UBE2L3: variants seen among roughly 807,000 people sequenced by gnomAD.
UBE2L3 encodes the protein ubiquitin conjugating enzyme E2 L3.
In UBE2L3, 1 loss-of-function variant was observed where a neutral mutation model predicts 17.8. The observed-to-expected ratio is 0.06, with a 90% CI of 0.02 to 0.27. The LOEUF is 0.27. Among genes scored for constraint, UBE2L3 ranks in the 10% least tolerant of loss-of-function variants. The pLI is 1.00. For missense variants in UBE2L3, 40 were observed against 192.6 expected (o/e 0.21, Z 4.69); for synonymous variants, 44 against 68.5 (o/e 0.64, Z 1.76).
At chr22:21,564,842 G>A (rs1280503852), upstream of UBE2L3, among the ~76,000 whole-genome samples, 1 of 152,170 alleles carries the variant, frequency 6.6e-6, no homozygotes, top group Non-Finnish European at 1.5e-5. Context: ...GGCAGGTTCT[G>A]TGCTCACAGT....
chr22:21,561,847 C>T (rs1297331956), intron 1 of UBE2L3, among the ~76,000 whole-genome samples: 1 of 152,168 alleles, frequency 6.6e-6, no homozygotes, highest in Admixed American at 6.6e-5. Context: ...AGATGAGGTC[C>T]AATTCCTGGT....
At chr22:21,571,352 C>T (rs963054631) in intron 1 of UBE2L3, among the ~76,000 whole-genome samples, 1 of 152,162 alleles carries the variant, frequency 6.6e-6, no homozygotes, top group South Asian at 2.1e-4. Context: ...AAGGGCTTTT[C>T]TCAGAGGGGA....
chr22:21,605,178 A>C (rs1235260531), intron 2 of UBE2L3, among the ~76,000 whole-genome samples: 2 of 152,170 alleles, frequency 1.3e-5, no homozygotes, highest in African/African-American at 4.8e-5. Flanking sequence ...CTGTCTTTAC[A>C]AAAGGACTTG....
In UBE2L3 at chr22:21,605,194, G is replaced by A. The variant is rs200106996; in HGVS notation, c.124-5663G>A. Among the ~76,000 whole-genome samples, 7 of 152,246 alleles carry A rather than the reference G, an allele frequency of 4.6e-5. No homozygotes were observed. The East Asian group carries it at 1.4e-3, about 29-fold the overall frequency. On this transcript the variant is annotated intron_variant, in intron 2 of 3. Transcript: ENST00000342192. ...TGTCTTTACAAAAGGACTTGTTTTT[G>A]TTTTGTTTTGTTTTTTTGAGAGAAC...
intron 3 of UBE2L3, among the ~76,000 whole-genome samples, chr22:21,618,269 T>C (rs188808698): frequency 6.6e-6 from 1 of 151,892 alleles, no homozygotes; most frequent in Admixed American, 6.6e-5. Context: ...GAAATAGGTC[T>C]TTAAATTTTT....
chr22:21,610,745 C>G (rs565336166), intron 2 of UBE2L3, 112 bp from the exon 3 acceptor site: 9 of 1,227,822 alleles, frequency 7.3e-6, no homozygotes, highest in Non-Finnish European at 9.8e-6. Context: ...TCAGTTGATA[C>G]TTGAATCCCT....
chr22:21,618,766 A>AT, intron 3 of UBE2L3, among the ~76,000 whole-genome samples: 1 of 151,896 alleles, frequency 6.6e-6, no homozygotes, highest in African/African-American at 2.4e-5. Flanking sequence ...TTTATTTTTT[A>AT]TTTTTTGTAG....
At chr22:21,578,599 A>G (rs1927451216) in intron 1 of UBE2L3, among the ~76,000 whole-genome samples, 1 of 152,044 alleles carries the variant, frequency 6.6e-6, no homozygotes, top group African/African-American at 2.4e-5. Context: ...AATGCCAGGC[A>G]CACCCATGTA....
chr22:21,600,414 G>A (rs1156837211), intron 2 of UBE2L3, among the ~76,000 whole-genome samples: 3 of 152,038 alleles, frequency 2.0e-5, no homozygotes, highest in Admixed American at 1.3e-4. Context: ...ATTTGTTGCC[G>A]GCCGGGTGCA....
intron 2 of UBE2L3, among the ~76,000 whole-genome samples, chr22:21,603,287 G>T (rs186696477): frequency 6.6e-6 from 1 of 152,254 alleles, no homozygotes; most frequent in African/African-American, 2.4e-5. Flanking sequence ...CAGCACTTTG[G>T]AAGGCCGAGG....
chr22:21,584,679 G>C (rs1255497475), intron 1 of UBE2L3, among the ~76,000 whole-genome samples: 1 of 150,240 alleles, frequency 6.7e-6, no homozygotes, highest in Non-Finnish European at 1.5e-5. Flanking sequence ...TGATTTTCCC[G>C]CTTCGGCAAC....
chr22:21,596,599 T>C (rs1257060167), intron 2 of UBE2L3, among the ~76,000 whole-genome samples: 1 of 151,878 alleles, frequency 6.6e-6, no homozygotes, highest in East Asian at 1.9e-4. Context: ...AGTGCAGTTA[T>C]GCGATCTCGG....
At chr22:21,583,219 T>G (rs1454047232) in intron 1 of UBE2L3, among the ~76,000 whole-genome samples, 2 of 152,118 alleles carry the variant, frequency 1.3e-5, no homozygotes, top group Non-Finnish European at 2.9e-5. Context: ...AGTTCTGTCT[T>G]CCCCCGTCTT....
intron 3 of UBE2L3, among the ~76,000 whole-genome samples, chr22:21,611,523 G>A (rs1929478493): frequency 6.6e-6 from 1 of 152,236 alleles, no homozygotes; most frequent in African/African-American, 2.4e-5. Flanking sequence ...GATGTGAGGG[G>A]AGGGACAGAG....
At position 21,588,222 on chromosome 22, in the gene UBE2L3, G is replaced by GT. The variant is rs1201911565; in HGVS notation, c.28-4634dup. On this transcript the variant is annotated intron_variant, in intron 1 of 3. Transcript: ENST00000342192. ...GTTCTAGAGCTGGGCTGCTCTTGCG[G>GT]TTTTTATCAGGTCCTTTCTTCTGTC... Among the ~76,000 whole-genome samples the GT allele has an allele frequency of 2.6e-5, 4 of 152,140 alleles. No homozygotes were observed. The South Asian group carries it at 6.2e-4, about 24-fold the overall frequency.
chr22:21,567,648 C>T, upstream of UBE2L3: 3 of 1,546,252 alleles, frequency 1.9e-6, no homozygotes, highest in Non-Finnish European at 1.7e-6. Context: ...TCCTGTGCCC[C>T]GCCCCGCGGC....
At chr22:21,574,398 G>A (rs1316868940) in intron 1 of UBE2L3, among the ~76,000 whole-genome samples, 1 of 152,202 alleles carries the variant, frequency 6.6e-6, no homozygotes, top group Admixed American at 6.5e-5. Context: ...GCTTAGAAGA[G>A]TGCCTGGCAT....
intron 1 of UBE2L3, among the ~76,000 whole-genome samples, chr22:21,579,724 T>C (rs1927521405): frequency 6.6e-6 from 1 of 152,074 alleles, no homozygotes; most frequent in Non-Finnish European, 1.5e-5. Context: ...TGAGCCGTGA[T>C]CATGCCACTG....
upstream of UBE2L3, among the ~76,000 whole-genome samples, chr22:21,566,396 C>T (rs979997987): frequency 2.0e-5 from 3 of 151,736 alleles, no homozygotes; most frequent in Non-Finnish European, 4.4e-5. Context: ...CCAGCCTGGG[C>T]AAGACAGTGA....
Sources: gnomAD v4.1 joint callset for allele counts (sites outside exome capture counted in the v4.1 genomes callset) on GRCh38, gnomAD v4.1.1 for gene constraint, MANE v1.5 for transcripts, NCBI Gene and HGNC (gene_info 2026-07-23, HGNC 2026-07-21) for gene names.